The following RFX4 variants were observed in gnomAD, a reference collection of about 807,000 sequenced individuals.
RFX4 encodes regulatory factor X4, also known as transcription factor RFX4.
In RFX4, 10 loss-of-function variants were observed where a neutral mutation model predicts 95.0. The ratio of observed to expected loss-of-function variants is 0.11; its 90% CI spans 0.06 to 0.18. RFX4 has a LOEUF of 0.18. Ranked by LOEUF, RFX4 falls within the 10% of genes least tolerant of loss-of-function variation. The pLI, the probability that RFX4 is intolerant of heterozygous loss-of-function variation, is 1.00. For missense variants in RFX4, 640 were observed against 922.0 expected (o/e 0.69, Z 3.96); for synonymous variants, 321 against 340.7 (o/e 0.94, Z 0.64).
intron 2 of RFX4, among the ~76,000 whole-genome samples, chr12:106,623,521 A>G (rs2040227843): frequency 6.6e-6 from 1 of 152,236 alleles, no homozygotes; most frequent in African/African-American, 2.4e-5. Context: ...TTACTAGACT[A>G]GAAAGCCCCA....
intron 17 of RFX4, among the ~76,000 whole-genome samples, chr12:106,754,601 A>G (rs1221137740): frequency 6.6e-6 from 1 of 152,192 alleles, no homozygotes; most frequent in Non-Finnish European, 1.5e-5. Context: ...TTTTAAAGCC[A>G]TTGCCATAAA....
intron 8 of RFX4, among the ~76,000 whole-genome samples, chr12:106,699,023 A>C (rs1405967829): frequency 6.6e-6 from 1 of 151,910 alleles, no homozygotes; most frequent in Non-Finnish European, 1.5e-5. Flanking sequence ...AAATCTTTCT[A>C]CTTTCCTAAT....
intron 4 of RFX4, among the ~76,000 whole-genome samples, chr12:106,669,161 T>C (rs2041233396): frequency 6.6e-6 from 1 of 152,166 alleles, no homozygotes; most frequent in Non-Finnish European, 1.5e-5. Context: ...ACTTTCCAGA[T>C]GTGGAAATTA....
At position 106,689,813 on chromosome 12, in the gene RFX4, G is replaced by T. The variant is rs1189033718; in HGVS notation, c.669+449G>T. 2.0e-5 allele frequency among the ~76,000 whole-genome samples: 3 copies of T among 152,098 alleles called. No homozygotes were observed. In the East Asian group the frequency reaches 5.8e-4, roughly 29 times the overall value. ...GAGCTGGTTACCCTCCATTCCCAAG[G>T]TCTGATCCATAGATTTCCATCAAAT... On this transcript the variant is annotated intron_variant, in intron 7 of 17. Coordinates refer to ENST00000392842, the MANE Select transcript of RFX4 (RefSeq NM_213594.3).
chr12:106,669,839 G>GGT (rs60975691), intron 4 of RFX4, among the ~76,000 whole-genome samples: 16,387 of 142,898 alleles, frequency 0.11, 1,037 homozygotes, highest in South Asian at 0.16. Context: ...TTTTTCTAGG[G>GGT]GTGTGTGTGT....
rs936766975 is a variant in RFX4 at position 106,589,798 on chromosome 12, C to A, written c.43+6435C>A. Among the ~76,000 whole-genome samples, 4 of 152,146 alleles carry A rather than the reference C, an allele frequency of 2.6e-5. No individual in the cohort carries two copies. In the South Asian group the frequency reaches 8.3e-4, roughly 32 times the overall value. ...TCTTCCCTGGGCTCCAGAGAAAACC[C>A]CTCTGAAGGAATCCTGTGACTCCGC... On this transcript the variant is annotated intron_variant, in intron 1 of 17. Transcript: ENST00000392842.
chr12:106,670,654 C>T (rs552681155), intron 4 of RFX4, among the ~76,000 whole-genome samples: 8 of 152,268 alleles, frequency 5.3e-5, no homozygotes, highest in South Asian at 2.1e-4. Context: ...CTAACCCTTT[C>T]ATTCCCCAGT....
intron 4 of RFX4, among the ~76,000 whole-genome samples, chr12:106,655,012 G>A (rs2040928061): frequency 6.6e-6 from 1 of 152,120 alleles, no homozygotes. Context: ...CTTTTTCTAT[G>A]TGTAATTTTT....
At chr12:106,690,997 A>T (rs1359106720) in intron 7 of RFX4, among the ~76,000 whole-genome samples, 6 of 152,208 alleles carry the variant, frequency 3.9e-5, no homozygotes, top group African/African-American at 1.2e-4. Flanking sequence ...TGGAGAGATA[A>T]GTAAAACACA....
chr12:106,631,651 A>G (rs953751752), intron 2 of RFX4, among the ~76,000 whole-genome samples: 1 of 152,238 alleles, frequency 6.6e-6, no homozygotes, highest in Non-Finnish European at 1.5e-5. Context: ...GCAGACCCTC[A>G]CCAGACACCA....
At chr12:106,617,722 T>C (rs533963353) in intron 2 of RFX4, among the ~76,000 whole-genome samples, 2 of 152,206 alleles carry the variant, frequency 1.3e-5, no homozygotes, top group South Asian at 4.2e-4. Context: ...AATGTACATT[T>C]TGGGTTTGTT....
chr12:106,687,013 A>G lies in RFX4; in HGVS notation c.507A>G (p.Ser169=), dbSNP rs202160084. ...KEVSKQTVAY[S]PRSKLGTLLP... Reference sequence around the variant, plus strand: ...TGAGCAAACAGACAGTGGCATATTCACCCCGGTCCAAACTCGGAACACTGC... The same window carrying G: ...TGAGCAAACAGACAGTGGCATATTCGCCCCGGTCCAAACTCGGAACACTGC... The change falls in exon 6 of 18, where the codon TCA becomes TCG. Residue 169 remains serine, a synonymous_variant. Transcript: ENST00000392842. 8.7e-6 allele frequency: 14 copies of G among 1,613,884 alleles called. No individual in the cohort carries two copies. The highest frequency in any genetic ancestry group is 1.2e-5 in the Non-Finnish European group (14 of 1,179,988).
At chr12:106,709,611 G>C (rs943993594) in intron 9 of RFX4, among the ~76,000 whole-genome samples, 181 bp downstream of exon 9, 1 of 151,940 alleles carries the variant, frequency 6.6e-6, no homozygotes, top group Admixed American at 6.6e-5. Context: ...TTTATTATAG[G>C]TGGCACATTT....
intron 2 of RFX4, among the ~76,000 whole-genome samples, chr12:106,609,742 G>GT (rs113147940): frequency 2.2e-4 from 33 of 149,360 alleles, no homozygotes; most frequent in Middle Eastern, 3.5e-3. Context: ...GTTTGATGGG[G>GT]TTTTTTTTTT....
chr12:106,587,801 G>T (rs1266561581), intron 1 of RFX4, among the ~76,000 whole-genome samples: 1 of 152,216 alleles, frequency 6.6e-6, no homozygotes, highest in Non-Finnish European at 1.5e-5. Flanking sequence ...AAGGGTGATG[G>T]GTTAGAATAA....
chr12:106,753,780 G>A (rs2043057464), intron 17 of RFX4, among the ~76,000 whole-genome samples: 1 of 152,218 alleles, frequency 6.6e-6, no homozygotes, highest in Non-Finnish European at 1.5e-5. Context: ...CTGAGCAGAT[G>A]AGTACATGGG....
At chr12:106,733,177 A>G in intron 15 of RFX4, 92 bp downstream of exon 15, 1 of 1,386,138 alleles carries the variant, frequency 7.2e-7, no homozygotes, top group Admixed American at 1.7e-5. Context: ...CTTCATTTCC[A>G]CACACACAAA....
chr12:106,603,707 C>A (rs2039761890), intron 1 of RFX4, among the ~76,000 whole-genome samples: 1 of 152,208 alleles, frequency 6.6e-6, no homozygotes, highest in Non-Finnish European at 1.5e-5. Flanking sequence ...TCTCCTATGT[C>A]CCATGCAGTC....
intron 1 of RFX4, among the ~76,000 whole-genome samples, chr12:106,604,009 T>C (rs2137190385): frequency 6.6e-6 from 1 of 151,962 alleles, no homozygotes; most frequent in East Asian, 1.9e-4. Context: ...AATGACAGGG[T>C]CCCACTCTCA....
Sources: gnomAD v4.1 joint callset for allele counts (sites outside exome capture counted in the v4.1 genomes callset) on GRCh38, gnomAD v4.1.1 for gene constraint, MANE v1.5 for transcripts, NCBI Gene and HGNC (gene_info 2026-07-23, HGNC 2026-07-21) for gene names.